SPRR2G: variants seen among roughly 807,000 people sequenced by gnomAD.
SPRR2G encodes the protein small proline rich protein 2G, also known as small proline-rich protein 2G.
SPRR2G carries 1 observed loss-of-function variant against 0.7 expected under a neutral mutation model. That is an observed-to-expected ratio of 1.49 (90% confidence interval 0.53 to 7.06). The LOEUF is 7.06. Among genes scored for constraint, SPRR2G ranks in the 30% most tolerant of loss-of-function variants. SPRR2G has a pLI of 0.14. For synonymous variants in SPRR2G, 38 were observed against 33.9 expected, an observed-to-expected ratio of 1.12 and a Z score of -0.42; for missense variants, 96 against 88.5, an observed-to-expected ratio of 1.09 and a Z score of -0.34.
At chr1:153,165,113 T>C in the SPRR2G span, among the ~76,000 whole-genome samples, 3,346 of 152,172 alleles carry the variant, frequency 0.022, 109 homozygotes, top group East Asian at 0.11. Context: ...AGATCCAGAA[T>C]ATTTGCACCC....
chr1:153,194,578 C>T, the SPRR2G span, among the ~76,000 whole-genome samples: 1 of 152,184 alleles, frequency 6.6e-6, no homozygotes. Context: ...TATGTGCAGG[C>T]TTGTGCTCCC....
At chr1:153,197,111 G>A in the SPRR2G span, among the ~76,000 whole-genome samples, 1 of 151,054 alleles carries the variant, frequency 6.6e-6, no homozygotes, top group Non-Finnish European at 1.5e-5. Flanking sequence ...TTCTCCTGAA[G>A]TGGGTCTCAC....
At position 153,149,819 on chromosome 1, in the gene SPRR2G, G is replaced by A. The variant is rs1656419153; in HGVS notation, c.*70C>T. ...CTCCCACTACAGCTGAAGGGAAGATGATGGAGTCCTGGGAGTAAGAAGAGC... is the reference window on the plus strand; with the variant it reads ...CTCCCACTACAGCTGAAGGGAAGATAATGGAGTCCTGGGAGTAAGAAGAGC... On this transcript the variant is annotated 3_prime_UTR_variant, in exon 2 of 2. Transcript: ENST00000368748. 1.9e-6 allele frequency: 3 copies of A among 1,573,014 alleles called. No homozygotes were observed. Among genetic ancestry groups the A allele is most frequent in the Non-Finnish European group, 2.6e-6 (3 of 1,145,236 alleles).
the SPRR2G span, among the ~76,000 whole-genome samples, chr1:153,179,675 C>T: frequency 6.6e-6 from 1 of 151,970 alleles, no homozygotes; most frequent in South Asian, 2.1e-4. Flanking sequence ...CTACTTCTTC[C>T]TAGATCCCAA....
chr1:153,177,748 A>G, the SPRR2G span, among the ~76,000 whole-genome samples: 606 of 152,272 alleles, frequency 4.0e-3, 9 homozygotes, highest in African/African-American at 0.013. Flanking sequence ...GAGCATTTAT[A>G]GTAAGTATTG....
chr1:153,176,390 C>A, the SPRR2G span: 1 of 152,182 alleles, frequency 6.6e-6, no homozygotes, highest in Non-Finnish European at 1.5e-5. Flanking sequence ...CCTACCCCCA[C>A]CTGTCCAAGG....
At chr1:153,185,111 A>G in the SPRR2G span, among the ~76,000 whole-genome samples, 1 of 152,142 alleles carries the variant, frequency 6.6e-6, no homozygotes, top group African/African-American at 2.4e-5. Flanking sequence ...GTTTGCCAGT[A>G]TTTTATTGAG....
chr1:153,160,664 A>T, the SPRR2G span, among the ~76,000 whole-genome samples: 2 of 152,244 alleles, frequency 1.3e-5, no homozygotes, highest in East Asian at 3.9e-4. Flanking sequence ...TAGTTCAACC[A>T]TTGTGGAAGT....
chr1:153,180,856 CTT>C, the SPRR2G span, among the ~76,000 whole-genome samples: 2 of 152,276 alleles, frequency 1.3e-5, no homozygotes, highest in East Asian at 3.9e-4. Context: ...TTGCATTTCT[CTT>C]ATGAATGGTG....
chr1:153,179,371 T>G, the SPRR2G span, among the ~76,000 whole-genome samples: 3 of 152,084 alleles, frequency 2.0e-5, no homozygotes, highest in African/African-American at 7.2e-5. Flanking sequence ...GGCTGTCAAG[T>G]TTTCATTTAT....
At chr1:153,201,400 C>T in the SPRR2G span, among the ~76,000 whole-genome samples, 1 of 152,196 alleles carries the variant, frequency 6.6e-6, no homozygotes, top group African/African-American at 2.4e-5. Flanking sequence ...AGAAAGATAA[C>T]AATGGCTAGT....
chr1:153,189,632 G>A, the SPRR2G span, among the ~76,000 whole-genome samples: 1 of 152,186 alleles, frequency 6.6e-6, no homozygotes, highest in African/African-American at 2.4e-5. Flanking sequence ...TCCTGGCAGA[G>A]ATGAGGGAGA....
chr1:153,149,910 C>A lies in SPRR2G; in HGVS notation c.201G>T (p.Lys67Asn), dbSNP rs747733361. 14 of 1,614,084 alleles carry A rather than the reference C, an allele frequency of 8.7e-6. No individual in the cohort carries two copies. Among genetic ancestry groups the A allele is most frequent in the Non-Finnish European group, 1.2e-5 (14 of 1,180,024 alleles). Residue 67 changes from lysine (K) to asparagine (N), a missense_variant, in exon 2 of 2, where the codon AAG (lysine) becomes AAT (asparagine). Lys to Asn is a moderately conservative substitution (Grantham distance 94, BLOSUM62 0). Transcript: ENST00000368748. ...PVQPYPPCQQ[K>N]YPPKSK ...GATGTTACTTGCTCTTGGGTGGATACTTCTGCTGGCAGGGTGGGTATGGTT... is the reference window on the plus strand; with the variant it reads ...GATGTTACTTGCTCTTGGGTGGATAATTCTGCTGGCAGGGTGGGTATGGTT...
At chr1:153,154,227 T>C (rs1188878674), upstream of SPRR2G, among the ~76,000 whole-genome samples, 1 of 152,022 alleles carries the variant, frequency 6.6e-6, no homozygotes, top group Non-Finnish European at 1.5e-5. Context: ...TTGATCATGT[T>C]GCATTATTCT....
At chr1:153,192,038 G>C in the SPRR2G span, among the ~76,000 whole-genome samples, 1 of 152,164 alleles carries the variant, frequency 6.6e-6, no homozygotes, top group African/African-American at 2.4e-5. Flanking sequence ...AGACACTGAG[G>C]CTCACTAGAG....
the SPRR2G span, among the ~76,000 whole-genome samples, chr1:153,199,024 CA>C: frequency 6.6e-6 from 1 of 152,160 alleles, no homozygotes; most frequent in Non-Finnish European, 1.5e-5. Flanking sequence ...ACAACTGTAA[CA>C]ATTACTGCAG....
the SPRR2G span, among the ~76,000 whole-genome samples, chr1:153,197,132 ATGTGTGTGTGTGTGTGTGTGTGTGTGTG>A: frequency 2.1e-5 from 3 of 140,402 alleles, no homozygotes; most frequent in Admixed American, 7.2e-5. Flanking sequence ...CAGGCAGAGA[ATGTGTGTGTGTGTGTGTGTGTGTGTGTG>A]TGTGTGTGTG....
At chr1:153,184,267 T>C in the SPRR2G span, among the ~76,000 whole-genome samples, 1 of 152,202 alleles carries the variant, frequency 6.6e-6, no homozygotes, top group African/African-American at 2.4e-5. Flanking sequence ...AAATCAATGA[T>C]AGCTTGATGG....
chr1:153,172,171 C>A, the SPRR2G span, among the ~76,000 whole-genome samples: 1 of 152,164 alleles, frequency 6.6e-6, no homozygotes, highest in South Asian at 2.1e-4. Context: ...TCTCACCTTC[C>A]AGGGTCTATC....
Sources: gnomAD v4.1 joint callset for allele counts (sites outside exome capture counted in the v4.1 genomes callset) on GRCh38, gnomAD v4.1.1 for gene constraint, MANE v1.5 for transcripts, NCBI Gene and HGNC (gene_info 2026-07-23, HGNC 2026-07-21) for gene names.